The following MRPS28 variants were observed in gnomAD, a reference collection of about 807,000 sequenced individuals.
MRPS28 encodes mitochondrial ribosomal protein S28.
MRPS28 carries 7 observed loss-of-function variants against 10.8 expected under a neutral mutation model. The ratio of observed to expected loss-of-function variants is 0.65; its 90% confidence interval spans 0.37 to 1.22. The LOEUF is 1.22. Ranked by LOEUF, MRPS28 falls within the 50% of genes most tolerant of loss-of-function variation. The probability of loss-of-function intolerance (pLI) is 0.02; values close to 1 mark genes in which losing one functional copy is unlikely to be tolerated. For synonymous variants in MRPS28, 121 were observed against 93.3 expected (o/e 1.30, Z -1.71); for missense variants, 265 against 232.9 (o/e 1.14, Z -0.90).
At chr8:79,923,181 TTTTAAAAAACTAGAG>T (rs1254034264) in intron 2 of MRPS28, among the ~76,000 whole-genome samples, 1 of 152,204 alleles carries the variant, frequency 6.6e-6, no homozygotes, top group African/African-American at 2.4e-5. Context: ...TGTGTCTTTG[TTTTAAAAAACTAGAG>T]ATATCCTCCA....
chr8:79,969,952 C>T (rs1807588593), intron 2 of MRPS28, among the ~76,000 whole-genome samples: 1 of 152,162 alleles, frequency 6.6e-6, no homozygotes, highest in Admixed American at 6.5e-5. Flanking sequence ...TGGACGCATT[C>T]ATTCACTCAA....
intron 2 of MRPS28, among the ~76,000 whole-genome samples, chr8:79,927,442 C>G (rs1291885161): frequency 6.6e-6 from 1 of 150,404 alleles, no homozygotes; most frequent in Non-Finnish European, 1.5e-5. Context: ...ATTCCTAATC[C>G]CCTGCACTTT....
intron 1 of MRPS28, among the ~76,000 whole-genome samples, chr8:80,008,549 T>C (rs1808933063): frequency 6.6e-6 from 1 of 152,084 alleles, no homozygotes; most frequent in African/African-American, 2.4e-5. Context: ...ATATCCAGAA[T>C]CTACAAAGAA....
At chr8:79,960,336 G>T (rs868566499) in intron 2 of MRPS28, among the ~76,000 whole-genome samples, 1 of 152,226 alleles carries the variant, frequency 6.6e-6, no homozygotes. Context: ...GTCCCAGGCA[G>T]ACCCATTTTC....
chr8:80,020,903 GTTT>G, intron 1 of MRPS28, among the ~76,000 whole-genome samples: 1 of 151,592 alleles, frequency 6.6e-6, no homozygotes, highest in East Asian at 1.9e-4. Flanking sequence ...ATTTCTATTT[GTTT>G]TTTTTAACTT....
In MRPS28 at chr8:80,030,078, C is replaced by G. The variant is rs1011659098; in HGVS notation, c.171G>C (p.Glu57Asp). Residue 57 changes from glutamate (E) to aspartate (D), a missense_variant, in exon 1 of 3, where the codon GAG (glutamate) becomes GAC (aspartate). Glu to Asp is a conservative substitution (Grantham distance 45). Transcript: ENST00000276585. ...TRAGGFASAL[E>D]RHSELLQKVE... ...CCTTCTGTAGAAGCTCCGAGTGCCG[C>G]TCCAACGCGCTCGCGAAACCGCCTG... 6 of 1,610,124 alleles carry G rather than the reference C, an allele frequency of 3.7e-6. No homozygotes were observed. Among genetic ancestry groups the G allele is most frequent in the African/African-American group, 1.4e-5 (1 of 72,680 alleles).
chr8:79,961,601 T>G (rs1807374584), intron 2 of MRPS28, among the ~76,000 whole-genome samples: 1 of 152,172 alleles, frequency 6.6e-6, no homozygotes, highest in African/African-American at 2.4e-5. Flanking sequence ...TATTTCTATT[T>G]AGTGAAGACA....
intron 1 of MRPS28, chr8:80,029,792 A>T (rs1809599362): frequency 6.6e-7 from 1 of 1,517,844 alleles, no homozygotes; most frequent in Non-Finnish European, 8.8e-7. Flanking sequence ...CAGGAAAACA[A>T]GCGCAGTGTG....
At chr8:80,005,166 C>T (rs1419408078) in intron 1 of MRPS28, among the ~76,000 whole-genome samples, 1 of 152,132 alleles carries the variant, frequency 6.6e-6, no homozygotes, top group South Asian at 2.1e-4. Flanking sequence ...AGAAGAGCAA[C>T]TCCAAGACAC....
intron 2 of MRPS28, chr8:79,958,522 A>G (rs1807287419): frequency 3.5e-6 from 2 of 571,846 alleles, no homozygotes; most frequent in Non-Finnish European, 6.1e-6. Flanking sequence ...TTGGTACACT[A>G]ACAATTTTTT....
Position 79,926,139 on chromosome 8 carries a change from G to T in MRPS28, c.396-6991C>A, listed in dbSNP as rs1810229411. Among the ~76,000 whole-genome samples the T allele has an allele frequency of 2.6e-5, 4 of 151,676 alleles. No homozygotes were observed. In the South Asian group the frequency reaches 8.3e-4, roughly 32 times the overall value. Reference sequence around the variant, plus strand: ...AATATGAATACATACATATGGAAAGGGGAAAAAAAACCAAAGAAACAGAAG... The same window carrying T: ...AATATGAATACATACATATGGAAAGTGGAAAAAAAACCAAAGAAACAGAAG... On this transcript the variant is annotated intron_variant, in intron 2 of 2. Coordinates refer to ENST00000276585, the MANE Select transcript of MRPS28 (RefSeq NM_014018.3).
chr8:79,919,963 C>T (rs1810038293), intron 2 of MRPS28, among the ~76,000 whole-genome samples: 1 of 106,878 alleles, frequency 9.4e-6, no homozygotes, highest in South Asian at 3.2e-4. Context: ...ATAACAGGCC[C>T]CGGTGTGTGA....
intron 1 of MRPS28, among the ~76,000 whole-genome samples, chr8:80,005,584 C>G (rs1033244935): frequency 6.6e-6 from 1 of 152,156 alleles, no homozygotes; most frequent in African/African-American, 2.4e-5. Context: ...AACTAATGAG[C>G]AAAACAACCA....
intron 2 of MRPS28, among the ~76,000 whole-genome samples, chr8:79,943,156 C>T (rs1806813619): frequency 6.6e-6 from 1 of 152,170 alleles, no homozygotes. Flanking sequence ...CAATCCTACA[C>T]CAATATATAA....
At chr8:80,021,244 G>A (rs978980064) in intron 1 of MRPS28, among the ~76,000 whole-genome samples, 18 of 152,138 alleles carry the variant, frequency 1.2e-4, no homozygotes, top group East Asian at 9.6e-4. Flanking sequence ...CTCATGTTCC[G>A]CCCACCTTGG....
chr8:79,991,788 C>T (rs1808367697), intron 2 of MRPS28, among the ~76,000 whole-genome samples: 1 of 152,162 alleles, frequency 6.6e-6, no homozygotes, highest in African/African-American at 2.4e-5. Flanking sequence ...AAGGCAAAGC[C>T]CAATTCCCTT....
At chr8:80,025,750 TAG>T (rs1809479992) in intron 1 of MRPS28, among the ~76,000 whole-genome samples, 1 of 152,096 alleles carries the variant, frequency 6.6e-6, no homozygotes, top group African/African-American at 2.4e-5. Context: ...TCTCATGACA[TAG>T]GGGGAAAAGG....
At position 80,029,882 on chromosome 8, in the gene MRPS28, C is replaced by A. The variant is rs189443603; in HGVS notation, c.213+154G>T. 1.6e-3 allele frequency: 2,488 copies of A among 1,536,302 alleles called. 37 individuals carry two copies. In the African/African-American group the frequency reaches 0.031, roughly 19 times the overall value. On this transcript the variant is annotated intron_variant, in intron 1 of 2. Coordinates refer to ENST00000276585, the MANE Select transcript of MRPS28 (RefSeq NM_014018.3). ...AAACACCAAGCACAGATTCTAGGGGCCGAGGGCTGAGCCACAACGCACCGC... is the reference window on the plus strand; with the variant it reads ...AAACACCAAGCACAGATTCTAGGGGACGAGGGCTGAGCCACAACGCACCGC...
chr8:79,919,945 C>CA (rs1810036383), intron 2 of MRPS28, among the ~76,000 whole-genome samples: 2 of 116,530 alleles, frequency 1.7e-5, no homozygotes, highest in Non-Finnish European at 3.5e-5. Context: ...TATCCCTCCC[C>CA]CCACCCCATA....
Sources: gnomAD v4.1 joint callset for allele counts (sites outside exome capture counted in the v4.1 genomes callset) on GRCh38, gnomAD v4.1.1 for gene constraint, MANE v1.5 for transcripts, NCBI Gene and HGNC (gene_info 2026-07-23, HGNC 2026-07-21) for gene names.